Variants in TMEM63C observed in about 807,000 individuals in gnomAD.
TMEM63C encodes the protein transmembrane protein 63C.
A neutral mutation model predicts 99.2 loss-of-function variants in TMEM63C; 32 were observed. The observed-to-expected ratio is 0.32, with a 90% CI of 0.24 to 0.43. The LOEUF (loss-of-function observed/expected upper bound fraction) is 0.43. TMEM63C is among the 20% of genes least tolerant of loss of function. The pLI, the probability that TMEM63C is intolerant of heterozygous loss-of-function variation, is 1.00. For missense variants in TMEM63C, 826 were observed against 1,053.0 expected (o/e 0.78, Z 2.98); for synonymous variants, 376 against 397.9 (o/e 0.94, Z 0.66).
At chr14:77,189,229 C>A (rs1328514751) in intron 1 of TMEM63C, among the ~76,000 whole-genome samples, 2 of 151,760 alleles carry the variant, frequency 1.3e-5, no homozygotes, top group Non-Finnish European at 2.9e-5. Flanking sequence ...TCCACCTCAG[C>A]CTCCTGAGTA....
intron 6 of TMEM63C, among the ~76,000 whole-genome samples, chr14:77,228,688 C>T (rs1888878712): frequency 6.6e-6 from 1 of 152,054 alleles, no homozygotes; most frequent in Non-Finnish European, 1.5e-5. Context: ...AGGCACGTGC[C>T]ACCATGCCTG....
chr14:77,248,299 C>CT, intron 18 of TMEM63C, 48 bp from the exon 19 acceptor site: 1 of 1,535,354 alleles, frequency 6.5e-7, no homozygotes, highest in Non-Finnish European at 8.8e-7. Flanking sequence ...ACATCTCTCC[C>CT]TCTCCCTGTG....
intron 15 of TMEM63C, among the ~76,000 whole-genome samples, chr14:77,243,608 C>A (rs934807915): frequency 1.4e-4 from 22 of 152,198 alleles, no homozygotes; most frequent in African/African-American, 5.3e-4. Context: ...GAGGAACCAT[C>A]TCTGAAGTTA....
chr14:77,243,800 G>A (rs769743850), intron 15 of TMEM63C, among the ~76,000 whole-genome samples: 9 of 151,866 alleles, frequency 5.9e-5, no homozygotes, highest in Admixed American at 2.0e-4. Flanking sequence ...CAACACACAC[G>A]CATGCACACA....
intron 23 of TMEM63C, among the ~76,000 whole-genome samples, chr14:77,254,370 G>A (rs1889427336): frequency 6.6e-6 from 1 of 152,156 alleles, no homozygotes; most frequent in African/African-American, 2.4e-5. Context: ...CGGAGTGCCA[G>A]GTTTGCCTCA....
At chr14:77,231,479 A>G in intron 6 of TMEM63C, 109 bp from the exon 7 acceptor site, 2 of 1,291,968 alleles carry the variant, frequency 1.5e-6, no homozygotes, top group Non-Finnish European at 2.1e-6. Flanking sequence ...AAAAAAAAAA[A>G]AAACTTGGGG....
rs760996472 is a variant in TMEM63C, at chr14:77,236,652, C to A, written c.571C>A (p.Leu191Met). 5 of 1,612,586 alleles carry A rather than the reference C, an allele frequency of 3.1e-6. No homozygotes were observed. Among genetic ancestry groups the A allele is most frequent in the Non-Finnish European group, 4.2e-6 (5 of 1,179,294 alleles). Residue 191 changes from leucine (L) to methionine (M), a missense_variant, in exon 9 of 24, where the codon CTG becomes ATG. Leu to Met is a conservative substitution (Grantham distance 15, BLOSUM62 2). Coordinates refer to ENST00000298351, the MANE Select transcript of TMEM63C (RefSeq NM_020431.4). ...ESKLLWLHSLLSFFYFITNFM... is the reference protein window; with the variant it reads ...ESKLLWLHSLMSFFYFITNFM... ...CAAGCTCCTGTGGCTGCATAGCCTG[C>A]TGTCCTTCTTCTACTTCATCACCAA... is the stretch of plus-strand genomic sequence containing the variant.
In TMEM63C at chr14:77,249,670, T is replaced by C. The variant is rs115124813; in HGVS notation, c.2038+212T>C. ...GCTAAGAGGAGGCCCTGGACCAACA[T>C]GGTCCCCAGGTGTGGATTTGGGTTT... On this transcript the variant is annotated intron_variant, in intron 21 of 23. Transcript: ENST00000298351. Among the ~76,000 whole-genome samples, 736 of 152,314 alleles carry C rather than the reference T, an allele frequency of 4.8e-3. 5 individuals carry two copies. The highest frequency in any genetic ancestry group is 0.017 in the African/African-American group (709 of 41,570).
intron 14 of TMEM63C, 126 bp from the exon 15 acceptor site, chr14:77,242,777 A>G (rs2287380): frequency 0.92 from 1,058,255 of 1,145,906 alleles, 488,963 homozygotes; most frequent in African/African-American, 0.98. Flanking sequence ...GTTGCATGCA[A>G]GTCTGGGCCC....
chr14:77,182,912 C>T lies in TMEM63C; in HGVS notation c.-77+1018C>T, dbSNP rs539130775. Among the ~76,000 whole-genome samples the T allele has an allele frequency of 9.9e-5, 15 of 152,250 alleles. No homozygotes were observed. The South Asian group carries it at 2.5e-3, about 25-fold the overall frequency. ...AACTTTCTCCTTCAACAGCCTGCAG[C>T]GCTCCAGGAAGATGTGTTTTCCCTC... On this transcript the variant is annotated intron_variant, in intron 1 of 23. Transcript: ENST00000298351.
intron 3 of TMEM63C, 126 bp from the exon 4 acceptor site, chr14:77,219,372 C>T (rs1468931050): frequency 4.4e-6 from 4 of 908,884 alleles, no homozygotes; most frequent in Admixed American, 2.0e-5. Flanking sequence ...ACAGAGCTCA[C>T]CTTCTAGTGG....
chr14:77,228,560 G>A (rs908938084), intron 6 of TMEM63C, among the ~76,000 whole-genome samples: 1 of 147,522 alleles, frequency 6.8e-6, no homozygotes, highest in Non-Finnish European at 1.5e-5. Flanking sequence ...TTTTTAAGAC[G>A]GAGTCTCACT....
At chr14:77,218,246 G>GGC (rs1555347430) in intron 2 of TMEM63C, among the ~76,000 whole-genome samples, 1 of 150,226 alleles carries the variant, frequency 6.7e-6, no homozygotes, top group Non-Finnish European at 1.5e-5. Context: ...AAAAAGAGGG[G>GGC]GGTGTTTCTT....
intron 1 of TMEM63C, among the ~76,000 whole-genome samples, chr14:77,201,563 G>T (rs1250353701): frequency 2.0e-5 from 3 of 152,172 alleles, no homozygotes; most frequent in Non-Finnish European, 2.9e-5. Context: ...TGGCCCAGCG[G>T]CATCAGCATC....
At chr14:77,249,744 C>A (rs944725351) in intron 21 of TMEM63C, among the ~76,000 whole-genome samples, 1 of 152,220 alleles carries the variant, frequency 6.6e-6, no homozygotes, top group Admixed American at 6.5e-5. Context: ...TAAGTCTAGA[C>A]GGGTGGAAAA....
intron 5 of TMEM63C, among the ~76,000 whole-genome samples, chr14:77,221,322 G>A (rs182005573): frequency 3.4e-5 from 1 of 29,354 alleles, no homozygotes; most frequent in East Asian, 1.9e-3. Flanking sequence ...TCCCAATCAC[G>A]CTTCACCTCC....
chr14:77,240,812 G>A (rs1408967748), intron 13 of TMEM63C, among the ~76,000 whole-genome samples: 1 of 152,220 alleles, frequency 6.6e-6, no homozygotes, highest in African/African-American at 2.4e-5. Context: ...CTCAAGGGGT[G>A]CCCAGGCCGG....
chr14:77,186,973 A>G (rs1044468543), intron 1 of TMEM63C, among the ~76,000 whole-genome samples: 4 of 152,184 alleles, frequency 2.6e-5, no homozygotes, highest in African/African-American at 7.2e-5. Context: ...CAGCAGAAGA[A>G]CAACAGCCTG....
intron 2 of TMEM63C, among the ~76,000 whole-genome samples, chr14:77,217,173 C>T (rs1888605301): frequency 6.6e-6 from 1 of 151,920 alleles, no homozygotes; most frequent in South Asian, 2.1e-4. Flanking sequence ...TTTTAATTCA[C>T]TCCATGGCTC....
Sources: gnomAD v4.1 joint callset for allele counts (sites outside exome capture counted in the v4.1 genomes callset) on GRCh38, gnomAD v4.1.1 for gene constraint, MANE v1.5 for transcripts, NCBI Gene and HGNC (gene_info 2026-07-23, HGNC 2026-07-21) for gene names.